FOXJ3: variants seen among roughly 807,000 people sequenced by gnomAD.
FOXJ3 encodes the protein forkhead box J3.
FOXJ3 carries 22 observed loss-of-function variants against 76.1 expected under a neutral mutation model. The ratio of observed to expected loss-of-function variants is 0.29; its 90% CI spans 0.21 to 0.41. The LOEUF is 0.41. Among genes scored for constraint, FOXJ3 ranks in the 10% least tolerant of loss-of-function variants. The pLI is 1.00. For missense variants in FOXJ3, 613 were observed against 762.1 expected (o/e 0.80, Z 2.30); for synonymous variants, 269 against 261.2 (o/e 1.03, Z -0.29).
intron 11 of FOXJ3, among the ~76,000 whole-genome samples, chr1:42,188,037 G>C (rs558559607): frequency 1.6e-4 from 24 of 152,296 alleles, no homozygotes; most frequent in African/African-American, 5.8e-4. Context: ...GTTAAAGGAA[G>C]CCACTCAGGA....
At chr1:42,257,316 G>A (rs1325538624) in intron 4 of FOXJ3, among the ~76,000 whole-genome samples, 1 of 152,142 alleles carries the variant, frequency 6.6e-6, no homozygotes, top group Non-Finnish European at 1.5e-5. Context: ...GAAGGAAAGT[G>A]GAACCCAACT....
At chr1:42,266,392 G>A (rs1388698885) in intron 3 of FOXJ3, among the ~76,000 whole-genome samples, 1 of 152,058 alleles carries the variant, frequency 6.6e-6, no homozygotes, top group East Asian at 1.9e-4. Flanking sequence ...CTATTTTTAA[G>A]CCACATCAGA....
chr1:42,205,648 G>A (rs763240490), intron 6 of FOXJ3, 114 bp downstream of exon 6: 23 of 679,428 alleles, frequency 3.4e-5, no homozygotes, highest in Non-Finnish European at 5.6e-5. Flanking sequence ...GCATAGGGTA[G>A]ACAAATTTAT....
At chr1:42,292,223 T>C (rs1420581565) in intron 2 of FOXJ3, among the ~76,000 whole-genome samples, 2 of 152,316 alleles carry the variant, frequency 1.3e-5, no homozygotes, top group African/African-American at 4.8e-5. Flanking sequence ...AAAAGGCTAA[T>C]TGAAAGACTG....
In FOXJ3 at chr1:42,188,864, G is replaced by A. The variant is rs143236585; in HGVS notation, c.1518C>T (p.Ala506=). 56 of 1,612,862 alleles carry A rather than the reference G, an allele frequency of 3.5e-5. No individual in the cohort carries two copies. The highest frequency in any genetic ancestry group is 4.5e-5 in the Non-Finnish European group (53 of 1,179,206). ...KNWSLDQVQF[A]DLCSSLNQFF... is the part of the protein sequence containing the mutation. The stretch of plus-strand genomic sequence containing the variant: ...ACTGATTAAGAGAAGAACAAAGATC[G>A]GCAAACTGAACCTGGTCTAAAGACC... Residue 506 remains alanine, a synonymous_variant, in exon 11 of 13, where the codon GCC becomes GCT. Transcript: ENST00000361346.
At chr1:42,216,856 A>G (rs921087587) in intron 5 of FOXJ3, among the ~76,000 whole-genome samples, 2 of 152,238 alleles carry the variant, frequency 1.3e-5, no homozygotes, top group African/African-American at 4.8e-5. Flanking sequence ...AGAAGGCAGG[A>G]AAAGGGAAAA....
rs1476601718 is a variant in FOXJ3, at chr1:42,176,938, T to G, written c.*2772A>C. Reference sequence around the variant, plus strand: ...CGACACGTATTTACAAGAACACACATGAATACATTTACATTTCAAAAACTG... The same window carrying G: ...CGACACGTATTTACAAGAACACACAGGAATACATTTACATTTCAAAAACTG... On this transcript the variant is annotated 3_prime_UTR_variant, in exon 13 of 13. Coordinates refer to ENST00000361346, the MANE Select transcript of FOXJ3 (RefSeq NM_014947.5). The G allele has an allele frequency of 6.6e-6, 1 of 152,658 alleles. No homozygotes were observed. The highest frequency in any genetic ancestry group is 1.5e-5 in the Non-Finnish European group (1 of 68,038). 9.5% of individuals were successfully genotyped at this position (152,658 alleles called of 1,614,324 possible). A position where few individuals can be genotyped will look rare whatever the true frequency, so the allele number is the denominator to read the frequency against.
At chr1:42,207,660 A>G (rs573877744) in intron 5 of FOXJ3, among the ~76,000 whole-genome samples, 1 of 152,364 alleles carries the variant, frequency 6.6e-6, no homozygotes, top group South Asian at 2.1e-4. Context: ...ATACCAGATG[A>G]GCGAGAGAGC....
At chr1:42,276,427 T>C (rs1652268436) in intron 3 of FOXJ3, among the ~76,000 whole-genome samples, 1 of 152,040 alleles carries the variant, frequency 6.6e-6, no homozygotes. Context: ...AACCTACCAA[T>C]GAATGCTAAA....
intron 5 of FOXJ3, among the ~76,000 whole-genome samples, chr1:42,218,163 CTCTT>C (rs1288035555): frequency 6.6e-6 from 1 of 152,216 alleles, no homozygotes; most frequent in Non-Finnish European, 1.5e-5. Context: ...TAAATCCTCA[CTCTT>C]TCTCAGACTC....
At chr1:42,274,992 A>G (rs1485556247) in intron 3 of FOXJ3, among the ~76,000 whole-genome samples, 1 of 152,194 alleles carries the variant, frequency 6.6e-6, no homozygotes, top group African/African-American at 2.4e-5. Flanking sequence ...TGGAATGGCG[A>G]GAAGTATATG....
chr1:42,245,415 T>C (rs1649473612), intron 4 of FOXJ3, among the ~76,000 whole-genome samples: 1 of 151,960 alleles, frequency 6.6e-6, no homozygotes, highest in Non-Finnish European at 1.5e-5. Flanking sequence ...GACACAAATA[T>C]CCTCAACAAA....
At chr1:42,276,438 A>C (rs1043761754) in intron 3 of FOXJ3, among the ~76,000 whole-genome samples, 5 of 152,198 alleles carry the variant, frequency 3.3e-5, no homozygotes, top group Non-Finnish European at 7.3e-5. Context: ...GAATGCTAAA[A>C]TTAATGGATA....
intron 11 of FOXJ3, among the ~76,000 whole-genome samples, chr1:42,186,403 T>C (rs1646436851): frequency 2.0e-5 from 3 of 151,926 alleles, no homozygotes; most frequent in Admixed American, 2.0e-4. Flanking sequence ...TAGAAAGAAT[T>C]GAATAAACAC....
At chr1:42,202,928 C>G (rs964297458) in intron 6 of FOXJ3, among the ~76,000 whole-genome samples, 2 of 152,170 alleles carry the variant, frequency 1.3e-5, no homozygotes, top group African/African-American at 4.8e-5. Context: ...AAATCTATTA[C>G]CACGATCTTC....
chr1:42,267,662 G>GA lies in FOXJ3; in HGVS notation c.370-2474dup, dbSNP rs1037345067. On this transcript the variant is annotated intron_variant, in intron 3 of 12. Transcript: ENST00000361346. ...GAAGACTCAGGTGTTAGAACTATCA[G>GA]AAAAAAAAAATTAAAATAACCATGC... Among the ~76,000 whole-genome samples, 37 of 146,752 alleles carry GA rather than the reference G, an allele frequency of 2.5e-4. No individual in the cohort carries two copies. In the South Asian group the frequency reaches 5.1e-3, roughly 20 times the overall value.
Position 42,181,893 on chromosome 1 carries a change from ACTCACT to A in FOXJ3, c.1753+18_1753+23del, listed in dbSNP as rs762552713. 1,931 of 1,338,268 alleles carry A rather than the reference ACTCACT, an allele frequency of 1.4e-3. 24 individuals are homozygous for A. In the African/African-American group the frequency reaches 0.027, roughly 19 times the overall value. The allele number at this position is 1,338,268 out of a possible 1,614,324, so 82.9% of individuals were successfully genotyped here. A position where few individuals can be genotyped will look rare whatever the true frequency, so the allele number is the denominator to read the frequency against. Reference sequence around the variant, plus strand: ...CACACACACACACACACACACACACACTCACTCTCTCTCTCTCTCTTACCTGCCATC... The same window carrying A: ...CACACACACACACACACACACACACACTCTCTCTCTCTCTTACCTGCCATC... On this transcript the variant is annotated intron_variant, in intron 12 of 12. Coordinates refer to ENST00000361346, the MANE Select transcript of FOXJ3 (RefSeq NM_014947.5).
At position 42,238,877 on chromosome 1, in the gene FOXJ3, T is replaced by C. The variant is rs76291591; in HGVS notation, c.445-10911A>G. Among the ~76,000 whole-genome samples the C allele has an allele frequency of 2.7e-4, 41 of 152,304 alleles. 1 individual carries two copies. The East Asian group carries it at 7.9e-3, about 29-fold the overall frequency. ...TTTTATTGGGTTTACATTAACTCTATAAATCTACCTGGGGAGGACTGGTAT... is the reference window on the plus strand; with the variant it reads ...TTTTATTGGGTTTACATTAACTCTACAAATCTACCTGGGGAGGACTGGTAT... On this transcript the variant is annotated intron_variant, in intron 4 of 12. Transcript: ENST00000361346.
intron 4 of FOXJ3, among the ~76,000 whole-genome samples, chr1:42,259,231 A>T (rs1445237087): frequency 6.6e-6 from 1 of 152,134 alleles, no homozygotes; most frequent in African/African-American, 2.4e-5. Context: ...CAGTAGTTGC[A>T]AAGGCCTGGG....
Sources: allele counts gnomAD v4.1 joint callset (sites outside exome capture counted in the v4.1 genomes callset), GRCh38; gene constraint gnomAD v4.1.1; transcripts MANE v1.5; gene names NCBI Gene and HGNC (gene_info 2026-07-23, HGNC 2026-07-21).